UBXN10: variants seen among roughly 807,000 people sequenced by gnomAD.
UBXN10 encodes UBX domain protein 10, also known as UBX domain-containing protein 10.
In UBXN10, 6 loss-of-function variants were observed where a neutral mutation model predicts 6.9. The ratio of observed to expected loss-of-function variants is 0.87; its 90% CI spans 0.48 to 1.72. The LOEUF (loss-of-function observed/expected upper bound fraction) is 1.72. Among genes scored for constraint, UBXN10 ranks in the 40% most tolerant of loss-of-function variants. The pLI, the probability that UBXN10 is intolerant of heterozygous loss-of-function variation, is 0.01. For missense variants in UBXN10, 317 were observed against 348.4 expected (o/e 0.91, Z 0.72); for synonymous variants, 131 against 135.2 (o/e 0.97, Z 0.21).
Position 20,191,127 on chromosome 1 carries a change from T to A in UBXN10, c.566T>A (p.Leu189Gln). The change falls in exon 2 of 2, where the codon CTG becomes CAG. Residue 189 changes from leucine to glutamine, a missense_variant. By Grantham distance (113) the Leu-to-Gln change is moderately radical. Transcript: ENST00000375099. This position sits in a 1 kb window ranked among gnomAD's most constrained non-coding sequence, Gnocchi z 4.5. ...KKQGSSRAGN[L>Q]EEPSDQEPRL... ...CAGGGCTCTTCCAGGGCTGGAAATC[T>A]GGAGGAACCATCGGACCAAGAACCA... The A allele has an allele frequency of 6.2e-7, 1 of 1,614,188 alleles. No individual in the cohort carries two copies. The highest frequency in any genetic ancestry group is 8.5e-7 in the Non-Finnish European group (1 of 1,180,046).
rs191245698 is a variant in UBXN10, at chr1:20,193,886, T to A, written c.*2482T>A. The A allele has an allele frequency of 2.3e-4, 39 of 167,216 alleles. No individual in the cohort carries two copies. Among genetic ancestry groups the A allele is most frequent in the African/African-American group, 9.4e-4 (39 of 41,564 alleles). 10.4% of individuals were successfully genotyped at this position (167,216 alleles called of 1,614,324 possible). ...CTGTCCTAAATGGGCTCAACCGGCC[T>A]AGCACACTCCTCTTGGTGGCTTTGG... On this transcript the variant is annotated 3_prime_UTR_variant, in exon 2 of 2. Transcript: ENST00000375099.
At chr1:20,188,693 C>T (rs2018440747) in intron 1 of UBXN10, among the ~76,000 whole-genome samples, 1 of 152,142 alleles carries the variant, frequency 6.6e-6, no homozygotes, top group Admixed American at 6.5e-5. Context: ...GAGGCAACTG[C>T]GTAGGTGGTA....
Position 20,191,684 on chromosome 1 carries a change from C to T in UBXN10, c.*280C>T, listed in dbSNP as rs2018505136. 7.7e-6 allele frequency: 3 copies of T among 388,390 alleles called. No homozygotes were observed. Among genetic ancestry groups the T allele is most frequent in the African/African-American group, 4.1e-5 (2 of 49,158 alleles). 24.1% of individuals were successfully genotyped at this position (388,390 alleles called of 1,614,324 possible). On this transcript the variant is annotated 3_prime_UTR_variant, in exon 2 of 2. Coordinates refer to ENST00000375099, the MANE Select transcript of UBXN10 (RefSeq NM_152376.5). The surrounding 1 kb of genome is among the most constrained non-coding windows in gnomAD (Gnocchi z 4.5). ...GAAACAGCAGTGATCATGACTTCTC[C>T]TTTCCAGAGTTTTGGGTCCTTCTGA...
At position 20,190,795 on chromosome 1, in the gene UBXN10, A is replaced by G. The variant is rs1322117138; in HGVS notation, c.234A>G (p.Gln78=). 1 of 1,614,006 alleles carries G rather than the reference A, an allele frequency of 6.2e-7. No homozygotes were observed. The change falls in exon 2 of 2, where the codon CAA becomes CAG. Residue 78 remains glutamine (Q), a synonymous_variant. Transcript: ENST00000375099. ...TTCCCTATGAGTTGCCAAGCAGCCA[A>G]AAACCAGGAGCCTGTGCACCCAAAT... ...PAIPYELPSS[Q]KPGACAPKSP... is the part of the protein sequence containing the mutation.
intron 1 of UBXN10, 140 bp from the exon 2 acceptor site, chr1:20,190,407 A>T: frequency 9.2e-7 from 1 of 1,084,752 alleles, no homozygotes; most frequent in Non-Finnish European, 1.3e-6. Context: ...GCATGCCTGA[A>T]TGAATAAATT....
At position 20,191,749 on chromosome 1, in the gene UBXN10, GAACTGTGA is replaced by G. The variant is rs2018506758; in HGVS notation, c.*346_*353del. ...TCGAACACCGGCTTGCCTTTACAGT[GAACTGTGA>G]TTCTCTCGAAGCCAATGCTTTCCTG... On this transcript the variant is annotated 3_prime_UTR_variant, in exon 2 of 2. Transcript: ENST00000375099. The surrounding 1 kb of genome is among the most constrained non-coding windows in gnomAD (Gnocchi z 4.5). 4.0e-6 allele frequency: 1 copy of G among 250,274 alleles called. No homozygotes were observed. The highest frequency in any genetic ancestry group is 8.3e-6 in the Non-Finnish European group (1 of 120,248). The allele number at this position is 250,274 out of a possible 1,614,324, so 15.5% of individuals were successfully genotyped here. A position where few individuals can be genotyped will look rare whatever the true frequency, so the allele number is the denominator to read the frequency against.
In UBXN10 at chr1:20,190,705, G is replaced by A. The variant is rs781215002; in HGVS notation, c.144G>A (p.Pro48=). The change falls in exon 2 of 2, where the codon CCG becomes CCA. Residue 48 remains proline (P), a synonymous_variant. Transcript: ENST00000375099. ...AGTCCGCCAAGGGACGGACAAGACCGAGTCTGCAGAAATCCCAGGGCGTGG... is the reference window on the plus strand; with the variant it reads ...AGTCCGCCAAGGGACGGACAAGACCAAGTCTGCAGAAATCCCAGGGCGTGG... The part of the protein sequence containing the change: ...RPKSAKGRTR[P]SLQKSQGVEV... 5.6e-6 allele frequency: 9 copies of A among 1,613,384 alleles called. No individual in the cohort carries two copies. The highest frequency in any genetic ancestry group is 1.3e-5 in the African/African-American group (1 of 74,914).
chr1:20,190,507 G>T, intron 1 of UBXN10, 40 bp from the exon 2 acceptor site: 1 of 1,556,464 alleles, frequency 6.4e-7, no homozygotes, highest in Non-Finnish European at 8.7e-7. Flanking sequence ...GTCCCAGGAA[G>T]TTTAACCCAC....
At chr1:20,188,608 A>G (rs1336711071) in intron 1 of UBXN10, among the ~76,000 whole-genome samples, 3 of 152,238 alleles carry the variant, frequency 2.0e-5, no homozygotes, top group Non-Finnish European at 4.4e-5. Flanking sequence ...ATTCTGCAGG[A>G]AGTGAATCTG....
rs935495595 is a variant in UBXN10 at position 20,194,151 on chromosome 1, C to G, written c.*2747C>G. Reference sequence around the variant, plus strand: ...GGATCCCACATTGTTACTGCTGGCTCTTCATCCCACCCTCTGGAGATGCTA... The same window carrying G: ...GGATCCCACATTGTTACTGCTGGCTGTTCATCCCACCCTCTGGAGATGCTA... On this transcript the variant is annotated 3_prime_UTR_variant, in exon 2 of 2. Transcript: ENST00000375099. 4 of 167,162 alleles carry G rather than the reference C, an allele frequency of 2.4e-5. No homozygotes were observed. The highest frequency in any genetic ancestry group is 4.4e-5 in the Non-Finnish European group (3 of 68,152). The allele number at this position is 167,162 out of a possible 1,614,324, so 10.4% of individuals were successfully genotyped here.
chr1:20,183,428 G>T (rs956683026), upstream of UBXN10, among the ~76,000 whole-genome samples: 10 of 152,172 alleles, frequency 6.6e-5, no homozygotes, highest in African/African-American at 2.4e-4. Context: ...GTCCAGGGTG[G>T]GCTTTGGAAA....
Position 20,190,902 on chromosome 1 carries a change from A to G in UBXN10, c.341A>G (p.Tyr114Cys). ...GGGGCTTCCTCTTCTCTCAATAAGT[A>G]TCCAGTCCTTCCTTCCATCAACAGA... ...PTGASSSLNK[Y>C]PVLPSINRKN... Residue 114 changes from tyrosine (Y) to cysteine (C), a missense_variant, in exon 2 of 2, where the codon TAT (tyrosine) becomes TGT (cysteine). Physicochemically the swap from Tyr to Cys is radical, Grantham distance 194 (BLOSUM62 -2). Coordinates refer to ENST00000375099, the MANE Select transcript of UBXN10 (RefSeq NM_152376.5). 6.2e-7 allele frequency: 1 copy of G among 1,614,098 alleles called. No homozygotes were observed. The highest frequency in any genetic ancestry group is 1.3e-5 in the African/African-American group (1 of 75,028).
At chr1:20,186,654 T>C (rs763895565) in intron 1 of UBXN10, among the ~76,000 whole-genome samples, 4 of 152,228 alleles carry the variant, frequency 2.6e-5, no homozygotes, top group Non-Finnish European at 4.4e-5. Context: ...TTGGACTTAA[T>C]TGAGTTATCC....
Position 20,190,666 on chromosome 1 carries a change from C to G in UBXN10, c.105C>G (p.His35Gln), listed in dbSNP as rs1403367049. 1 of 1,614,048 alleles carries G rather than the reference C, an allele frequency of 6.2e-7. No individual in the cohort carries two copies. The highest frequency in any genetic ancestry group is 1.3e-5 in the African/African-American group (1 of 74,910). ...GGCAGCCAAACTCACTAAATATGCA[C>G]ATGATAAGGCCCAAGTCCGCCAAGG... is the stretch of plus-strand genomic sequence containing the variant. ...LIWQPNSLNM[H>Q]MIRPKSAKGR... Residue 35 changes from histidine (H) to glutamine (Q), a missense_variant, in exon 2 of 2, where the codon CAC (histidine) becomes CAG (glutamine). By Grantham distance (24) the His-to-Gln change is conservative (BLOSUM62 0). Transcript: ENST00000375099.
At chr1:20,184,328 TGAA>T (rs1026226990), upstream of UBXN10, 5 of 152,310 alleles carry the variant, frequency 3.3e-5, no homozygotes, top group Non-Finnish European at 7.4e-5. Context: ...GGGTGGGTGA[TGAA>T]GGGCTGAAGA....
rs1207159979 is a variant in UBXN10 at position 20,187,152 on chromosome 1, T to C, written c.-16+999T>C. On this transcript the variant is annotated intron_variant, in intron 1 of 1. Transcript: ENST00000375099. This position sits in a 1 kb window ranked among gnomAD's most constrained non-coding sequence, Gnocchi z 4.6. ...CACATTTCCTTCTTTCCAGTTGATT[T>C]GGTGGTGAATCTTAAGGAATGGGCA... is the stretch of plus-strand genomic sequence containing the variant. Among the ~76,000 whole-genome samples, 1 of 152,008 alleles carries C rather than the reference T, an allele frequency of 6.6e-6. No homozygotes were observed. The highest frequency in any genetic ancestry group is 1.5e-5 in the Non-Finnish European group (1 of 67,978).
chr1:20,190,095 T>G (rs896888835), intron 1 of UBXN10, among the ~76,000 whole-genome samples: 12 of 152,302 alleles, frequency 7.9e-5, no homozygotes, highest in Admixed American at 4.6e-4. Flanking sequence ...AAGAGAGTAT[T>G]TTGTGACACA....
Position 20,193,662 on chromosome 1 carries a change from C to T in UBXN10, c.*2258C>T, listed in dbSNP as rs2018549705. 1 of 167,098 alleles carries T rather than the reference C, an allele frequency of 6.0e-6. No individual in the cohort carries two copies. Among genetic ancestry groups the T allele is most frequent in the South Asian group, 2.1e-4 (1 of 4,828 alleles). The allele number at this position is 167,098 out of a possible 1,614,324, so 10.4% of individuals were successfully genotyped here. On this transcript the variant is annotated 3_prime_UTR_variant, in exon 2 of 2. Coordinates refer to ENST00000375099, the MANE Select transcript of UBXN10 (RefSeq NM_152376.5). ...AGAACCAAGTCCTCCTCCCCGGACA[C>T]TTCTGATGCCCACTGCAGAAGCGAC...
At chr1:20,189,941 T>C (rs2018461751) in intron 1 of UBXN10, among the ~76,000 whole-genome samples, 1 of 152,118 alleles carries the variant, frequency 6.6e-6, no homozygotes, top group African/African-American at 2.4e-5. Context: ...CATACATCTG[T>C]AGAATTAGCA....
Sources: allele counts gnomAD v4.1 joint callset (sites outside exome capture counted in the v4.1 genomes callset), GRCh38; gene constraint gnomAD v4.1.1; non-coding constraint Gnocchi (gnomAD v3.1); transcripts MANE v1.5; gene names NCBI Gene and HGNC (gene_info 2026-07-23, HGNC 2026-07-21).